Variants in PCGF5 observed in about 807,000 individuals in gnomAD.
The protein encoded by PCGF5 is polycomb group ring finger 5.
In PCGF5, 9 loss-of-function variants were observed where a neutral mutation model predicts 44.3. The ratio of observed to expected loss-of-function variants is 0.20; its 90% CI spans 0.12 to 0.35. The LOEUF (loss-of-function observed/expected upper bound fraction) is 0.35. PCGF5 is among the 10% of genes least tolerant of loss of function. PCGF5 has a pLI of 1.00. For missense variants in PCGF5, 146 were observed against 305.3 expected (o/e 0.48, Z 3.89); for synonymous variants, 95 against 102.5 (o/e 0.93, Z 0.44).
chr10:91,243,125 A>C (rs1845372046), intron 3 of PCGF5, among the ~76,000 whole-genome samples: 2 of 152,358 alleles, frequency 1.3e-5, no homozygotes, highest in Admixed American at 1.3e-4. Context: ...AGAAACTGAA[A>C]GCTAGAAAGC....
At chr10:91,206,242 A>T (rs1038229088) in intron 1 of PCGF5, among the ~76,000 whole-genome samples, 2 of 152,188 alleles carry the variant, frequency 1.3e-5, no homozygotes, top group African/African-American at 4.8e-5. Flanking sequence ...GAACTCGGAG[A>T]AAAAGCAGGT....
Position 91,271,710 on chromosome 10 carries a change from C to T in PCGF5, c.723+13C>T. 6.2e-7 allele frequency: 1 copy of T among 1,606,126 alleles called. No individual in the cohort carries two copies. Among genetic ancestry groups the T allele is most frequent in the East Asian group, 2.2e-5 (1 of 44,842 alleles). On this transcript the variant is annotated intron_variant, in intron 9 of 9. Coordinates refer to ENST00000336126, the MANE Select transcript of PCGF5 (RefSeq NM_032373.5). ...CCCTTTGTATCAGGTAAGAGGCACTCACGACTGTACATATGACCATCATGA... is the reference window on the plus strand; with the variant it reads ...CCCTTTGTATCAGGTAAGAGGCACTTACGACTGTACATATGACCATCATGA...
chr10:91,278,130 C>T, intron 9 of PCGF5, 139 bp from the exon 10 acceptor site: 1 of 696,784 alleles, frequency 1.4e-6, no homozygotes, highest in East Asian at 2.8e-5. Flanking sequence ...TTAATGGTAA[C>T]TCAAATTTTA....
At chr10:91,194,682 G>T (rs936514559) in intron 1 of PCGF5, among the ~76,000 whole-genome samples, 2 of 152,134 alleles carry the variant, frequency 1.3e-5, no homozygotes, top group Admixed American at 1.3e-4. Context: ...AAAAGGTCTC[G>T]AATTCAAAAG....
chr10:91,173,989 C>T (rs561723462), intron 1 of PCGF5, among the ~76,000 whole-genome samples: 1 of 151,926 alleles, frequency 6.6e-6, no homozygotes, highest in Non-Finnish European at 1.5e-5. Context: ...CAAAGATCTT[C>T]TTGGAAAATG....
chr10:91,267,941 G>A (rs554017676), intron 8 of PCGF5, among the ~76,000 whole-genome samples: 10 of 152,188 alleles, frequency 6.6e-5, no homozygotes, highest in African/African-American at 2.4e-4. Context: ...AACATTTTAA[G>A]CTACCCAAGA....
chr10:91,177,709 T>G (rs577266157), intron 1 of PCGF5, among the ~76,000 whole-genome samples: 2 of 152,298 alleles, frequency 1.3e-5, no homozygotes, highest in East Asian at 3.9e-4. Flanking sequence ...CCAAGCCAGG[T>G]GCAGGATATA....
At chr10:91,267,964 T>C (rs992757479) in intron 8 of PCGF5, among the ~76,000 whole-genome samples, 5 of 152,212 alleles carry the variant, frequency 3.3e-5, no homozygotes, top group Non-Finnish European at 7.3e-5. Context: ...AATTTATTTA[T>C]ACAAAAACAC....
intron 1 of PCGF5, among the ~76,000 whole-genome samples, chr10:91,177,899 C>T (rs535255570): frequency 9.9e-5 from 15 of 152,268 alleles, no homozygotes; most frequent in South Asian, 6.2e-4. Context: ...ACTTGGTGCA[C>T]GGTGCACTGC....
intron 3 of PCGF5, among the ~76,000 whole-genome samples, chr10:91,246,880 A>C (rs900583354): frequency 6.6e-6 from 1 of 152,130 alleles, no homozygotes; most frequent in Non-Finnish European, 1.5e-5. Flanking sequence ...GAGGTACTTG[A>C]AATGTTTAGC....
upstream of PCGF5, among the ~76,000 whole-genome samples, chr10:91,161,138 C>T (rs1156498604): frequency 1.3e-5 from 2 of 152,186 alleles, no homozygotes; most frequent in Admixed American, 6.5e-5. Flanking sequence ...TTGGACAAGC[C>T]CTCCAGGGTT....
At chr10:91,156,671 T>G in the PCGF5 span, among the ~76,000 whole-genome samples, 9 of 152,130 alleles carry the variant, frequency 5.9e-5, no homozygotes, top group Admixed American at 5.9e-4. Context: ...GCAAAGTGGA[T>G]ATGGGGAGGA....
At chr10:91,261,178 C>T (rs1845900125) in intron 6 of PCGF5, 148 bp from the exon 7 acceptor site, 1 of 1,033,886 alleles carries the variant, frequency 9.7e-7, no homozygotes, top group Non-Finnish European at 1.3e-6. Flanking sequence ...CTCGCAAATA[C>T]TAAAAAGCTA....
intron 2 of PCGF5, among the ~76,000 whole-genome samples, chr10:91,233,774 A>G (rs931600552): frequency 3.3e-5 from 5 of 152,220 alleles, no homozygotes; most frequent in African/African-American, 1.2e-4. Context: ...AAATGTATAT[A>G]AAATGAGCAT....
rs1317272987 is a variant in PCGF5, at chr10:91,283,269, T to C, written c.*4953T>C. 1.3e-5 allele frequency: 2 copies of C among 152,342 alleles called. No homozygotes were observed. Among genetic ancestry groups the C allele is most frequent in the Non-Finnish European group, 1.5e-5 (1 of 68,028 alleles). The allele number at this position is 152,342 out of a possible 1,614,324, so 9.4% of individuals were successfully genotyped here. ...TGCTCGAGCACTTCCTTTCAGAAAG[T>C]TATAAAATTAAAAATAATTATTTTA... is the stretch of plus-strand genomic sequence containing the variant. On this transcript the variant is annotated 3_prime_UTR_variant, in exon 10 of 10. Transcript: ENST00000336126.
At chr10:91,189,635 G>A (rs2133209774) in intron 1 of PCGF5, among the ~76,000 whole-genome samples, 1 of 152,240 alleles carries the variant, frequency 6.6e-6, no homozygotes, top group South Asian at 2.1e-4. Context: ...ATGGAAGAAA[G>A]TTAAAAAGAC....
intron 1 of PCGF5, among the ~76,000 whole-genome samples, chr10:91,168,614 A>C (rs563923836): frequency 5.9e-5 from 9 of 152,178 alleles, no homozygotes; most frequent in African/African-American, 1.9e-4. Flanking sequence ...GAGGCAAGAA[A>C]AGTGTCAATG....
At chr10:91,214,142 A>G (rs558213349) in intron 1 of PCGF5, among the ~76,000 whole-genome samples, 142 of 152,188 alleles carry the variant, frequency 9.3e-4, no homozygotes, top group African/African-American at 3.3e-3. Context: ...TCACTACAAA[A>G]AATACAAAAA....
At chr10:91,200,719 T>C (rs1844236372) in intron 1 of PCGF5, among the ~76,000 whole-genome samples, 1 of 152,194 alleles carries the variant, frequency 6.6e-6, no homozygotes, top group Non-Finnish European at 1.5e-5. Flanking sequence ...GTGGGCAATC[T>C]AGTTTATCCT....
Sources: allele counts gnomAD v4.1 joint callset (sites outside exome capture counted in the v4.1 genomes callset), GRCh38; gene constraint gnomAD v4.1.1; transcripts MANE v1.5; gene names NCBI Gene and HGNC (gene_info 2026-07-23, HGNC 2026-07-21).